Variants in LHCGR observed in about 807,000 individuals in gnomAD.
LHCGR encodes the protein luteinizing hormone/choriogonadotropin receptor, also known as lutropin-choriogonadotropic hormone receptor.
In LHCGR, 55 loss-of-function variants were observed where a neutral mutation model predicts 60.7. The observed-to-expected ratio is 0.91, with a 90% CI of 0.73 to 1.13. The LOEUF is 1.13. Ranked by LOEUF, LHCGR falls within the 50% of genes most tolerant of loss-of-function variation. The probability of loss-of-function intolerance (pLI) is 0.00; values close to 1 mark genes in which losing one functional copy is unlikely to be tolerated. For missense variants in LHCGR, 862 were observed against 836.0 expected, an observed-to-expected ratio of 1.03 and a Z score of -0.38; for synonymous variants, 337 against 316.5, an observed-to-expected ratio of 1.06 and a Z score of -0.69.
intron 8 of LHCGR, among the ~76,000 whole-genome samples, chr2:48,699,953 C>T (rs1045021594): frequency 2.0e-5 from 3 of 152,196 alleles, no homozygotes; most frequent in African/African-American, 7.2e-5. Flanking sequence ...CAGCACAGCT[C>T]CCCTCAGCAA....
intron 6 of LHCGR, among the ~76,000 whole-genome samples, chr2:48,716,287 C>T (rs769599064): frequency 7.2e-5 from 11 of 152,080 alleles, no homozygotes; most frequent in Non-Finnish European, 1.6e-4. Context: ...CCATCTAAGT[C>T]AGTAGCCTTC....
At chr2:48,751,328 T>C (rs1035010732) in intron 1 of LHCGR, among the ~76,000 whole-genome samples, 4 of 152,224 alleles carry the variant, frequency 2.6e-5, no homozygotes, top group Non-Finnish European at 5.9e-5. Flanking sequence ...TAAGAAATAT[T>C]TCCCCCCCAG....
At chr2:48,729,660 C>G (rs777576181) in intron 2 of LHCGR, among the ~76,000 whole-genome samples, 5 of 152,186 alleles carry the variant, frequency 3.3e-5, no homozygotes, top group Admixed American at 3.3e-4. Flanking sequence ...AATTCTGTCA[C>G]TCTAGTGAGG....
chr2:48,732,946 G>A (rs1558878030), intron 1 of LHCGR: 1 of 534,458 alleles, frequency 1.9e-6, no homozygotes, highest in African/African-American at 1.9e-5. Context: ...CAAAGGATCC[G>A]AGAAGAACAG....
rs555200246 is a variant in LHCGR, at chr2:48,741,887, A to G, written c.162-10589T>C. 6.6e-5 allele frequency among the ~76,000 whole-genome samples: 10 copies of G among 152,022 alleles called. No homozygotes were observed. The South Asian group carries it at 1.5e-3, about 22-fold the overall frequency. On this transcript the variant is annotated intron_variant, in intron 1 of 10. Transcript: ENST00000294954. Reference sequence around the variant, plus strand: ...GGACTAAATGCTCCAATTAAAAGACACAGACTGGCAAATTGGATAAAGAGT... The same window carrying G: ...GGACTAAATGCTCCAATTAAAAGACGCAGACTGGCAAATTGGATAAAGAGT...
At chr2:48,713,920 G>A in intron 7 of LHCGR, 66 bp downstream of exon 7, 1 of 1,224,312 alleles carries the variant, frequency 8.2e-7, no homozygotes, top group Non-Finnish European at 1.2e-6. Flanking sequence ...AAGATTGAAT[G>A]TGATCTTGTA....
chr2:48,755,377 G>A (rs1019021813), intron 1 of LHCGR, 134 bp downstream of exon 1: 9 of 637,914 alleles, frequency 1.4e-5, no homozygotes, highest in Non-Finnish European at 2.4e-5. Flanking sequence ...AAACGTGGGG[G>A]AAATTTGATA....
intron 9 of LHCGR, among the ~76,000 whole-genome samples, chr2:48,696,427 T>G (rs1667116983): frequency 6.6e-6 from 1 of 152,206 alleles, no homozygotes; most frequent in Non-Finnish European, 1.5e-5. Context: ...ATATGTGACA[T>G]TTGCCTATTT....
At chr2:48,723,379 G>A (rs2104451510) in intron 6 of LHCGR, 77 bp downstream of exon 6, 3 of 1,030,626 alleles carry the variant, frequency 2.9e-6, no homozygotes, top group Non-Finnish European at 4.6e-6. Flanking sequence ...TAAAACATGA[G>A]AAAAAGCTCA....
intron 1 of LHCGR, among the ~76,000 whole-genome samples, chr2:48,753,543 A>G (rs1670073046): frequency 6.6e-6 from 1 of 152,158 alleles, no homozygotes; most frequent in Admixed American, 6.5e-5. Context: ...CCCCAAACCT[A>G]GTCAGCCCTA....
At chr2:48,735,369 A>C (rs1669166749) in intron 1 of LHCGR, among the ~76,000 whole-genome samples, 1 of 152,254 alleles carries the variant, frequency 6.6e-6, no homozygotes, top group African/African-American at 2.4e-5. Flanking sequence ...GTGCACCTGC[A>C]GTGCCTTCCC....
At chr2:48,714,172 A>G in intron 6 of LHCGR, 118 bp from the exon 7 acceptor site, 1 of 730,988 alleles carries the variant, frequency 1.4e-6, no homozygotes, top group South Asian at 1.5e-5. Flanking sequence ...CATAATATCT[A>G]GTTCTCCATC....
At chr2:48,748,933 G>A (rs1233042253) in intron 1 of LHCGR, among the ~76,000 whole-genome samples, 4 of 152,126 alleles carry the variant, frequency 2.6e-5, no homozygotes, top group Admixed American at 2.0e-4. Context: ...AATAATTTGG[G>A]GACTGCATTG....
chr2:48,700,716 G>C (rs999054382), intron 8 of LHCGR, among the ~76,000 whole-genome samples: 1 of 152,182 alleles, frequency 6.6e-6, no homozygotes. Flanking sequence ...GGTATGCTTT[G>C]CATATGAGAC....
chr2:48,715,421 C>T (rs1668202066), intron 6 of LHCGR, among the ~76,000 whole-genome samples: 1 of 152,076 alleles, frequency 6.6e-6, no homozygotes, highest in South Asian at 2.1e-4. Context: ...GTAAAACCCA[C>T]GTGAGAAAGG....
chr2:48,728,809 T>TA (rs1450926667), intron 3 of LHCGR, among the ~76,000 whole-genome samples: 1 of 152,174 alleles, frequency 6.6e-6, no homozygotes, highest in Non-Finnish European at 1.5e-5. Flanking sequence ...TGAACCAATT[T>TA]ATGATCTCTA....
intron 8 of LHCGR, chr2:48,708,735 G>A: frequency 1.6e-6 from 1 of 608,424 alleles, no homozygotes; most frequent in Non-Finnish European, 2.9e-6. Flanking sequence ...CTAGCTTCCA[G>A]AACCATAAGA....
At chr2:48,729,023 A>G (rs564329455) in intron 3 of LHCGR, 130 bp downstream of exon 3, 2 of 798,944 alleles carry the variant, frequency 2.5e-6, no homozygotes, top group East Asian at 2.4e-5. Context: ...GCCTGCCCAG[A>G]CCTAGTAATT....
At position 48,694,022 on chromosome 2, in the gene LHCGR, G is replaced by GT. The variant is rs35306306; in HGVS notation, c.947+201dup. On this transcript the variant is annotated intron_variant, in intron 10 of 10. Transcript: ENST00000294954. Reference sequence around the variant, plus strand: ...AAATATTAAGGAACATTTTAAAATAGTTTTTTTAAACAGTTGAAAGACATA... The same window carrying GT: ...AAATATTAAGGAACATTTTAAAATAGTTTTTTTTAAACAGTTGAAAGACATA... Among the ~76,000 whole-genome samples, 5,638 of 152,182 alleles carry GT rather than the reference G, an allele frequency of 0.037. 138 individuals carry two copies. Among genetic ancestry groups the GT allele is most frequent in the Non-Finnish European group, 0.056 (3,802 of 67,958 alleles).
Sources: allele counts gnomAD v4.1 joint callset (sites outside exome capture counted in the v4.1 genomes callset), GRCh38; gene constraint gnomAD v4.1.1; transcripts MANE v1.5; gene names NCBI Gene and HGNC (gene_info 2026-07-23, HGNC 2026-07-21).